GLIS1: variants seen among roughly 807,000 people sequenced by gnomAD.
GLIS1 encodes GLIS family zinc finger 1.
GLIS1 carries 24 observed loss-of-function variants against 63.8 expected under a neutral mutation model. That is an observed-to-expected ratio of 0.38 (90% confidence interval 0.27 to 0.53). The LOEUF is 0.53. Among genes scored for constraint, GLIS1 ranks in the 20% least tolerant of loss-of-function variants. The pLI is 0.85. For synonymous variants in GLIS1, 450 were observed against 482.5 expected (o/e 0.93, Z 0.88); for missense variants, 1,036 against 1,074.1 (o/e 0.96, Z 0.50).
chr1:53,547,449 C>T (rs776989973), intron 4 of GLIS1, among the ~76,000 whole-genome samples: 17 of 152,370 alleles, frequency 1.1e-4, no homozygotes, highest in Non-Finnish European at 2.1e-4. Context: ...AGCACGGAAC[C>T]TGCCTGAGCT....
chr1:53,520,682 C>T lies in GLIS1; in HGVS notation c.1678G>A (p.Ala560Thr). Residue 560 changes from alanine to threonine, a missense_variant, in exon 7 of 11, where the codon GCC becomes ACC. Physicochemically the swap from Ala to Thr is moderately conservative, Grantham distance 58. Coordinates refer to ENST00000628545, the MANE Select transcript of GLIS1 (RefSeq NM_001367484.1). ...CCACAGCCACCCTTGCCGTCGCTGG[C>T]AGCCAGCTGTGTGGACGTGTGGAGC... is the stretch of plus-strand genomic sequence containing the variant. The part of the protein sequence containing the change: ...QQLHTSTQLA[A>T]SDGKGGCGLG... 6.2e-7 allele frequency: 1 copy of T among 1,609,938 alleles called. No homozygotes were observed. The highest frequency in any genetic ancestry group is 8.5e-7 in the Non-Finnish European group (1 of 1,178,654).
At chr1:53,619,242 G>C (rs1364412550) in intron 2 of GLIS1, among the ~76,000 whole-genome samples, 1 of 152,228 alleles carries the variant, frequency 6.6e-6, no homozygotes, top group Non-Finnish European at 1.5e-5. Context: ...GGGCACTGGG[G>C]CCCAGAGATG....
intron 8 of GLIS1, among the ~76,000 whole-genome samples, chr1:53,512,010 A>G (rs1644303027): frequency 6.6e-6 from 1 of 152,238 alleles, no homozygotes; most frequent in Non-Finnish European, 1.5e-5. Flanking sequence ...CTCAGTTGCA[A>G]ATCCCAGAGA....
chr1:53,727,495 G>T (rs952566491), intron 2 of GLIS1, among the ~76,000 whole-genome samples: 1 of 152,242 alleles, frequency 6.6e-6, no homozygotes, highest in Non-Finnish European at 1.5e-5. Context: ...ACTCGTAGCT[G>T]CTCTTTAAGC....
chr1:53,522,990 T>TTCTTTTTC (rs1553120136), intron 6 of GLIS1, among the ~76,000 whole-genome samples: 83,903 of 130,344 alleles, frequency 0.64, 27,469 homozygotes, highest in East Asian at 0.94. Context: ...TTCTTTCTTT[T>TTCTTTTTC]TTTTTTTTTT....
At chr1:53,609,266 CTTTTTTTTTTTTT>C (rs1221426769) in intron 2 of GLIS1, among the ~76,000 whole-genome samples, 3 of 81,378 alleles carry the variant, frequency 3.7e-5, no homozygotes, top group African/African-American at 1.5e-4. Flanking sequence ...GGGTTTAAAT[CTTTTTTTTTTTTT>C]TTTTTTTTTT....
intron 2 of GLIS1, among the ~76,000 whole-genome samples, chr1:53,720,588 T>C (rs989125551): frequency 2.0e-5 from 3 of 152,122 alleles, no homozygotes; most frequent in African/African-American, 7.2e-5. Flanking sequence ...TACAGTAAAG[T>C]GACTATAGTT....
At chr1:53,519,312 A>G (rs1054467529) in intron 7 of GLIS1, among the ~76,000 whole-genome samples, 14 of 152,000 alleles carry the variant, frequency 9.2e-5, no homozygotes, top group African/African-American at 3.1e-4. Flanking sequence ...CTGAGCACAA[A>G]CCCCTGGAAA....
At chr1:53,520,860 C>T in intron 6 of GLIS1, 94 bp from the exon 7 acceptor site, 16 of 1,373,332 alleles carry the variant, frequency 1.2e-5, no homozygotes, top group Non-Finnish European at 1.6e-5. Context: ...AGGACTGCAG[C>T]CCCAGGGCAA....
chr1:53,631,418 C>T (rs974276084), intron 2 of GLIS1, among the ~76,000 whole-genome samples: 4 of 152,206 alleles, frequency 2.6e-5, no homozygotes, highest in Non-Finnish European at 5.9e-5. Flanking sequence ...CTCTGAGCAA[C>T]ACCAGAGAGT....
chr1:53,683,904 G>C (rs2948044), intron 2 of GLIS1, among the ~76,000 whole-genome samples: 78,301 of 151,924 alleles, frequency 0.52, 21,994 homozygotes, highest in Non-Finnish European at 0.62. Context: ...GAGACTCAGG[G>C]ACTCTCCTGA....
At chr1:53,707,807 C>A (rs1295010463) in intron 2 of GLIS1, among the ~76,000 whole-genome samples, 2 of 151,932 alleles carry the variant, frequency 1.3e-5, no homozygotes, top group Admixed American at 1.3e-4. Context: ...CCTGCCTCAG[C>A]CTCACAAAGT....
chr1:53,731,347 C>T (rs1401003782), intron 2 of GLIS1, among the ~76,000 whole-genome samples: 2 of 152,230 alleles, frequency 1.3e-5, no homozygotes, highest in Admixed American at 1.3e-4. Flanking sequence ...TAAGTCGCAC[C>T]TCAGCCTGTT....
chr1:53,695,916 C>A (rs1213154693), intron 2 of GLIS1, among the ~76,000 whole-genome samples: 1 of 152,230 alleles, frequency 6.6e-6, no homozygotes, highest in Non-Finnish European at 1.5e-5. Context: ...TCTGCCTGAC[C>A]CAGGGGCCAG....
At chr1:53,688,596 T>A (rs943598955) in intron 2 of GLIS1, among the ~76,000 whole-genome samples, 1 of 152,214 alleles carries the variant, frequency 6.6e-6, no homozygotes, top group South Asian at 2.1e-4. Context: ...TCCTCCCTGG[T>A]CTCACGCTGA....
At chr1:53,677,213 A>C (rs891289664) in intron 2 of GLIS1, among the ~76,000 whole-genome samples, 1 of 151,676 alleles carries the variant, frequency 6.6e-6, no homozygotes, top group Non-Finnish European at 1.5e-5. Flanking sequence ...ATTAGTTATA[A>C]TGGGAGTTAC....
chr1:53,734,095 C>A (rs1368352729), intron 2 of GLIS1: 1 of 984,074 alleles, frequency 1.0e-6, no homozygotes, highest in Admixed American at 6.2e-5. Flanking sequence ...AGACTGACTG[C>A]TTTTTGGCAT....
chr1:53,634,055 A>G (rs1409503150), intron 2 of GLIS1, among the ~76,000 whole-genome samples: 1 of 152,196 alleles, frequency 6.6e-6, no homozygotes, highest in Non-Finnish European at 1.5e-5. Context: ...AAGGCCAAGG[A>G]TGGCGCCAAA....
At chr1:53,704,560 G>A (rs911451589) in intron 2 of GLIS1, among the ~76,000 whole-genome samples, 2 of 152,168 alleles carry the variant, frequency 1.3e-5, no homozygotes, top group Admixed American at 1.3e-4. Context: ...GGAGGGAGGG[G>A]AAAGGAAGGG....
Sources: allele counts gnomAD v4.1 joint callset (sites outside exome capture counted in the v4.1 genomes callset), GRCh38; gene constraint gnomAD v4.1.1; transcripts MANE v1.5; gene names NCBI Gene and HGNC (gene_info 2026-07-23, HGNC 2026-07-21).